ST6GALNAC3: variants seen among roughly 807,000 people sequenced by gnomAD.
The protein encoded by ST6GALNAC3 is ST6 N-acetylgalactosaminide alpha-2,6-sialyltransferase 3.
A neutral mutation model predicts 32.7 loss-of-function variants in ST6GALNAC3; 25 were observed. The observed-to-expected ratio is 0.76, with a 90% confidence interval of 0.56 to 1.07. The LOEUF is 1.07. Ranked by LOEUF, ST6GALNAC3 falls within the 50% of genes least tolerant of loss-of-function variation. ST6GALNAC3 has a pLI of 0.00. For missense variants in ST6GALNAC3, 355 were observed against 382.4 expected (o/e 0.93, Z 0.60); for synonymous variants, 129 against 133.1 (o/e 0.97, Z 0.21).
intron 3 of ST6GALNAC3, among the ~76,000 whole-genome samples, chr1:76,626,577 A>G (rs550469754): frequency 6.6e-6 from 1 of 151,874 alleles, no homozygotes; most frequent in East Asian, 1.9e-4. Context: ...GAACATACCA[A>G]CCATACTTCC....
At chr1:76,318,757 A>G (rs1646914624) in intron 2 of ST6GALNAC3, among the ~76,000 whole-genome samples, 1 of 152,182 alleles carries the variant, frequency 6.6e-6, no homozygotes, top group South Asian at 2.1e-4. Flanking sequence ...CGTGCTTCAC[A>G]ATATCCTAAA....
intron 3 of ST6GALNAC3, among the ~76,000 whole-genome samples, chr1:76,507,038 A>T (rs1416638065): frequency 2.6e-5 from 4 of 152,162 alleles, no homozygotes; most frequent in Non-Finnish European, 5.9e-5. Flanking sequence ...TCTGCTGTTC[A>T]TTATTTCACA....
chr1:76,096,196 T>C (rs150388006), intron 1 of ST6GALNAC3, among the ~76,000 whole-genome samples: 3 of 152,282 alleles, frequency 2.0e-5, no homozygotes, highest in East Asian at 3.9e-4. Flanking sequence ...TGAAATGAGG[T>C]AGATGCAGGT....
chr1:76,608,597 ATGTGTGTGTGTGTGTGTG>A (rs60960904), intron 3 of ST6GALNAC3, among the ~76,000 whole-genome samples: 99 of 135,242 alleles, frequency 7.3e-4, no homozygotes, highest in African/African-American at 1.8e-3. Context: ...TGAGCTGGAA[ATGTGTGTGTGTGTGTGTG>A]TGTGTGTGTG....
chr1:76,618,378 C>G (rs892438107), intron 3 of ST6GALNAC3, among the ~76,000 whole-genome samples: 3 of 152,112 alleles, frequency 2.0e-5, no homozygotes, highest in Admixed American at 6.5e-5. Context: ...TACTTTATAC[C>G]TTTCTGAGCC....
At chr1:76,569,018 A>T (rs1280322581) in intron 3 of ST6GALNAC3, among the ~76,000 whole-genome samples, 1 of 152,176 alleles carries the variant, frequency 6.6e-6, no homozygotes, top group African/African-American at 2.4e-5. Flanking sequence ...AATGGCGTAC[A>T]AAACAGACCT....
intron 1 of ST6GALNAC3, among the ~76,000 whole-genome samples, chr1:76,291,040 A>C (rs1327048034): frequency 1.3e-5 from 2 of 152,242 alleles, no homozygotes; most frequent in African/African-American, 4.8e-5. Flanking sequence ...GGAAGTAGGT[A>C]CTAAAGGAGA....
At position 76,569,083 on chromosome 1, in the gene ST6GALNAC3, C is replaced by T. The variant is rs902629417; in HGVS notation, c.624-58369C>T. Among the ~76,000 whole-genome samples, 5 of 152,082 alleles carry T rather than the reference C, an allele frequency of 3.3e-5. No individual in the cohort carries two copies. In the East Asian group the frequency reaches 7.7e-4, roughly 23 times the overall value. ...TATGCATTTTGCAGAATAAACATAACTCCTTTTTCAGCAGTTGATCCACTA... is the reference window on the plus strand; with the variant it reads ...TATGCATTTTGCAGAATAAACATAATTCCTTTTTCAGCAGTTGATCCACTA... On this transcript the variant is annotated intron_variant, in intron 3 of 4. Transcript: ENST00000328299.
At chr1:76,482,704 A>G (rs1053962517) in intron 3 of ST6GALNAC3, among the ~76,000 whole-genome samples, 2 of 152,020 alleles carry the variant, frequency 1.3e-5, no homozygotes, top group African/African-American at 2.4e-5. Flanking sequence ...TTGCTCAACT[A>G]TGCTACTGCC....
chr1:76,209,199 G>A (rs952921228), intron 1 of ST6GALNAC3, among the ~76,000 whole-genome samples: 3 of 152,166 alleles, frequency 2.0e-5, no homozygotes, highest in Non-Finnish European at 4.4e-5. Context: ...TTGAGGTTGT[G>A]TCTATTATAA....
At chr1:76,241,548 C>T (rs75986521) in intron 1 of ST6GALNAC3, among the ~76,000 whole-genome samples, 1 of 152,130 alleles carries the variant, frequency 6.6e-6, no homozygotes, top group East Asian at 1.9e-4. Flanking sequence ...ATGACCCAAA[C>T]ACCTCCCATT....
At chr1:76,191,911 A>T (rs1395813579) in intron 1 of ST6GALNAC3, among the ~76,000 whole-genome samples, 1 of 152,110 alleles carries the variant, frequency 6.6e-6, no homozygotes, top group African/African-American at 2.4e-5. Flanking sequence ...ATGGAGGTGG[A>T]GTCACTTTTT....
chr1:76,408,867 C>T (rs1305241844), intron 2 of ST6GALNAC3, among the ~76,000 whole-genome samples: 4 of 152,112 alleles, frequency 2.6e-5, no homozygotes, highest in African/African-American at 7.2e-5. Context: ...TAACCCCCCG[C>T]ACCATATGCA....
Position 76,614,554 on chromosome 1 carries a change from C to G in ST6GALNAC3, c.624-12898C>G, listed in dbSNP as rs572338214. Among the ~76,000 whole-genome samples, 7 of 151,892 alleles carry G rather than the reference C, an allele frequency of 4.6e-5. No individual in the cohort carries two copies. The South Asian group carries it at 1.5e-3, about 32-fold the overall frequency. ...CTAACACAGTGAAACCCCGCCTCTA[C>G]TAACAATACAAAAAATTAGCCGGGC... is the stretch of plus-strand genomic sequence containing the variant. On this transcript the variant is annotated intron_variant, in intron 3 of 4. Coordinates refer to ENST00000328299, the MANE Select transcript of ST6GALNAC3 (RefSeq NM_152996.4).
intron 1 of ST6GALNAC3, among the ~76,000 whole-genome samples, chr1:76,259,189 A>G (rs1658089173): frequency 6.6e-6 from 1 of 152,194 alleles, no homozygotes; most frequent in African/African-American, 2.4e-5. Context: ...AAACATTAGA[A>G]TGCAATTCTC....
intron 1 of ST6GALNAC3, among the ~76,000 whole-genome samples, chr1:76,156,082 G>T (rs889522834): frequency 6.8e-5 from 10 of 147,224 alleles, no homozygotes; most frequent in African/African-American, 2.2e-4. Flanking sequence ...TTAGTAGAAG[G>T]TTCCTCTTTT....
intron 1 of ST6GALNAC3, among the ~76,000 whole-genome samples, chr1:76,108,694 C>T (rs1647710128): frequency 6.6e-6 from 1 of 152,136 alleles, no homozygotes; most frequent in Admixed American, 6.5e-5. Flanking sequence ...GGTCTCTAAA[C>T]TATTTTATGG....
At chr1:76,524,685 ATAT>A (rs757133935) in intron 3 of ST6GALNAC3, among the ~76,000 whole-genome samples, 30 of 151,308 alleles carry the variant, frequency 2.0e-4, no homozygotes, top group Admixed American at 1.5e-3. Flanking sequence ...ATTGTGTATA[ATAT>A]TATAGAAATA....
chr1:76,087,381 T>TAGAG (rs1170300605), intron 1 of ST6GALNAC3, among the ~76,000 whole-genome samples: 1 of 152,150 alleles, frequency 6.6e-6, no homozygotes, highest in Non-Finnish European at 1.5e-5. Context: ...CTTCAGCAAA[T>TAGAG]AGAGACATGT....
Sources: gnomAD v4.1 joint callset for allele counts (sites outside exome capture counted in the v4.1 genomes callset) on GRCh38, gnomAD v4.1.1 for gene constraint, MANE v1.5 for transcripts, NCBI Gene and HGNC (gene_info 2026-07-23, HGNC 2026-07-21) for gene names.